RSRC1: variants seen among roughly 807,000 people sequenced by gnomAD.
RSRC1 encodes the protein arginine and serine rich coiled-coil 1.
Under a neutral mutation model 49.1 loss-of-function variants are expected in RSRC1, and 39 were observed. That is an observed-to-expected ratio of 0.79 (90% CI 0.61 to 1.04). The LOEUF (loss-of-function observed/expected upper bound fraction) is 1.04, where lower values mean the gene tolerates loss of function less well. Among genes scored for constraint, RSRC1 ranks in the 50% least tolerant of loss-of-function variants. The probability of loss-of-function intolerance (pLI) is 0.00; values close to 1 mark genes in which losing one functional copy is unlikely to be tolerated. For synonymous variants in RSRC1, 143 were observed against 130.8 expected (o/e 1.09, Z -0.63); for missense variants, 388 against 402.4 (o/e 0.96, Z 0.31).
rs547666720 is a variant in RSRC1, at chr3:158,236,341, T to C, written c.494+33096T>C. Among the ~76,000 whole-genome samples, 819 of 152,308 alleles carry C rather than the reference T, an allele frequency of 5.4e-3. 4 individuals are homozygous for C. Among genetic ancestry groups the C allele is most frequent in the Non-Finnish European group, 9.6e-3 (651 of 68,018 alleles). Reference sequence around the variant, plus strand: ...TTTTTAAAATAAAGGTACGTCTTTATTGAGGTGTAATTTACTTGTGGTGAA... The same window carrying C: ...TTTTTAAAATAAAGGTACGTCTTTACTGAGGTGTAATTTACTTGTGGTGAA... On this transcript the variant is annotated intron_variant, in intron 4 of 9. Coordinates refer to ENST00000611884, the MANE Select transcript of RSRC1 (RefSeq NM_001271838.2).
At chr3:158,384,805 C>G (rs566539396) in intron 6 of RSRC1, among the ~76,000 whole-genome samples, 1 of 152,056 alleles carries the variant, frequency 6.6e-6, no homozygotes, top group African/African-American at 2.4e-5. Flanking sequence ...TAGCCAAACT[C>G]GAACACTAAA....
chr3:158,329,256 C>G (rs1054598472), intron 5 of RSRC1, among the ~76,000 whole-genome samples: 2 of 152,230 alleles, frequency 1.3e-5, no homozygotes, highest in African/African-American at 4.8e-5. Flanking sequence ...CATTCTGCAT[C>G]CAGCTTTGTT....
intron 4 of RSRC1, among the ~76,000 whole-genome samples, chr3:158,268,765 G>GTTA (rs1459846613): frequency 7.2e-5 from 11 of 152,028 alleles, no homozygotes; most frequent in African/African-American, 2.7e-4. Context: ...TTAATTTTAA[G>GTTA]TTACATTAAA....
intron 5 of RSRC1, chr3:158,336,338 A>G (rs1025806514): frequency 2.6e-5 from 4 of 152,232 alleles, no homozygotes; most frequent in Admixed American, 6.5e-5. Flanking sequence ...GGGGATGCCA[A>G]TCATAATGTT....
chr3:158,357,210 A>G (rs1392671736), intron 6 of RSRC1, among the ~76,000 whole-genome samples: 2 of 152,056 alleles, frequency 1.3e-5, no homozygotes, highest in Non-Finnish European at 2.9e-5. Flanking sequence ...GTCATATTCT[A>G]TTTTATTTTG....
At chr3:158,458,585 G>A (rs1264910958) in intron 6 of RSRC1, among the ~76,000 whole-genome samples, 1 of 152,146 alleles carries the variant, frequency 6.6e-6, no homozygotes, top group Non-Finnish European at 1.5e-5. Flanking sequence ...GTTAGCCGGG[G>A]AGAGTGGAAG....
Position 158,438,095 on chromosome 3 carries a change from G to A in RSRC1, c.584-22840G>A, listed in dbSNP as rs908498265. ...TGCTACAAAGAGAATAAAATACCTA[G>A]GAATCCAACTTACAAGGGATGTGAA... On this transcript the variant is annotated intron_variant, in intron 6 of 9. Transcript: ENST00000611884. 9.2e-5 allele frequency among the ~76,000 whole-genome samples: 14 copies of A among 151,986 alleles called. No individual in the cohort carries two copies. The East Asian group carries it at 2.5e-3, about 27-fold the overall frequency.
chr3:158,518,103 T>TGC (rs1740677155), intron 7 of RSRC1, among the ~76,000 whole-genome samples: 1 of 49,790 alleles, frequency 2.0e-5, no homozygotes, highest in Non-Finnish European at 3.7e-5. Flanking sequence ...TGCGTGTGTG[T>TGC]GTGTGTGTGT....
At chr3:158,448,025 T>G (rs1156712147) in intron 6 of RSRC1, among the ~76,000 whole-genome samples, 1 of 151,904 alleles carries the variant, frequency 6.6e-6, no homozygotes, top group Non-Finnish European at 1.5e-5. Context: ...GTCTAAGATA[T>G]GATTTTTTTT....
intron 5 of RSRC1, among the ~76,000 whole-genome samples, chr3:158,328,540 T>C (rs1316196130): frequency 1.3e-5 from 2 of 152,218 alleles, no homozygotes; most frequent in African/African-American, 4.8e-5. Context: ...ATTCTTTTCT[T>C]AAGAATGTTG....
At chr3:158,382,121 A>AT (rs1261622710) in intron 6 of RSRC1, among the ~76,000 whole-genome samples, 4 of 152,154 alleles carry the variant, frequency 2.6e-5, no homozygotes, top group African/African-American at 9.7e-5. Flanking sequence ...AGATACAAAC[A>AT]TGCACATTAG....
chr3:158,496,300 G>C (rs1453413061), intron 7 of RSRC1, among the ~76,000 whole-genome samples: 1 of 152,108 alleles, frequency 6.6e-6, no homozygotes, highest in Non-Finnish European at 1.5e-5. Flanking sequence ...TCAAGCTTTA[G>C]TGTGCCTCAA....
At chr3:158,512,575 T>A (rs1740251208) in intron 7 of RSRC1, among the ~76,000 whole-genome samples, 1 of 152,162 alleles carries the variant, frequency 6.6e-6, no homozygotes, top group South Asian at 2.1e-4. Context: ...TTCTTTTGGC[T>A]TAGGATTGAC....
At chr3:158,317,886 C>T (rs1410577597) in intron 5 of RSRC1, among the ~76,000 whole-genome samples, 1 of 152,106 alleles carries the variant, frequency 6.6e-6, no homozygotes, top group Non-Finnish European at 1.5e-5. Flanking sequence ...AAAATTCACA[C>T]AGAACACACG....
In RSRC1 at chr3:158,250,365, T is replaced by G. The variant is rs563797718; in HGVS notation, c.494+47120T>G. On this transcript the variant is annotated intron_variant, in intron 4 of 9. Coordinates refer to ENST00000611884, the MANE Select transcript of RSRC1 (RefSeq NM_001271838.2). ...ATTACTGGATTATATGGTAGTTCTA[T>G]TTTTAGTTTTATGAGGAACCTCCAC... Among the ~76,000 whole-genome samples the G allele has an allele frequency of 9.9e-4, 150 of 152,272 alleles. 1 individual carries two copies. The highest frequency in any genetic ancestry group is 3.2e-3 in the African/African-American group (131 of 41,544).
chr3:158,386,623 T>C (rs906115184), intron 6 of RSRC1, among the ~76,000 whole-genome samples: 6 of 152,120 alleles, frequency 3.9e-5, no homozygotes, highest in Non-Finnish European at 5.9e-5. Context: ...TTAATTTGTA[T>C]TGGGGGGAAA....
At position 158,478,291 on chromosome 3, in the gene RSRC1, T is replaced by C. The variant is rs1738470133; in HGVS notation, c.652+17288T>C. 2.0e-5 allele frequency among the ~76,000 whole-genome samples: 3 copies of C among 151,950 alleles called. No individual in the cohort carries two copies. In the South Asian group the frequency reaches 6.2e-4, roughly 31 times the overall value. ...TTAAAGGATGTTGGACTTTTTGAAA[T>C]ATTTTTTTCTATGTCTTGTTGAGAT... On this transcript the variant is annotated intron_variant, in intron 7 of 9. Transcript: ENST00000611884.
Position 158,122,102 on chromosome 3 carries a change from G to A in RSRC1, c.-2-1G>A. 6.8e-7 allele frequency: 1 copy of A among 1,481,304 alleles called. No homozygotes were observed. The highest frequency in any genetic ancestry group is 2.5e-5 in the East Asian group (1 of 39,494). The allele number at this position is 1,481,304 out of a possible 1,614,324, so 91.8% of individuals were successfully genotyped here. A position where few individuals can be genotyped will look rare whatever the true frequency, so the allele number is the denominator to read the frequency against. On this transcript the variant is annotated splice_acceptor_variant, in intron 1 of 9. Coordinates refer to ENST00000611884, the MANE Select transcript of RSRC1 (RefSeq NM_001271838.2). LOFTEE classifies it low-confidence loss of function (5UTR_SPLICE). Reference sequence around the variant, plus strand: ...AATATTCTTCAAATTTATGCTTATAGAAATGGGACGTCGGTCATCAGATAC... The same window carrying A: ...AATATTCTTCAAATTTATGCTTATAAAAATGGGACGTCGGTCATCAGATAC...
intron 3 of RSRC1, among the ~76,000 whole-genome samples, chr3:158,197,855 G>C (rs1298820332): frequency 3.3e-5 from 5 of 152,166 alleles, no homozygotes; most frequent in Admixed American, 2.6e-4. Flanking sequence ...TGGTCTGAGA[G>C]ACAGTTTGTT....
Sources: gnomAD v4.1 joint callset for allele counts (sites outside exome capture counted in the v4.1 genomes callset) on GRCh38, gnomAD v4.1.1 for gene constraint, MANE v1.5 for transcripts, NCBI Gene and HGNC (gene_info 2026-07-23, HGNC 2026-07-21) for gene names.